KIF27: variants seen among roughly 807,000 people sequenced by gnomAD.
KIF27 encodes the protein kinesin-like protein KIF27.
A neutral mutation model predicts 141.8 loss-of-function variants in KIF27; 84 were observed. The observed-to-expected ratio is 0.59, with a 90% CI of 0.50 to 0.71. The LOEUF (loss-of-function observed/expected upper bound fraction) is 0.71. KIF27 is among the 30% of genes least tolerant of loss of function. The pLI, the probability that KIF27 is intolerant of heterozygous loss-of-function variation, is 0.00. For missense variants in KIF27, 1,306 were observed against 1,628.4 expected (o/e 0.80, Z 3.41); for synonymous variants, 471 against 569.5 (o/e 0.83, Z 2.46).
At position 83,836,547 on chromosome 9, in the gene KIF27, G is replaced by T. The variant is rs1361354824; in HGVS notation, c.*454C>A. ...GAGGTTGTCTTAGCCCACATATGCA[G>T]CAGGTGACTCCCTCTGACAAAAGCA... On this transcript the variant is annotated 3_prime_UTR_variant, in exon 18 of 18. Transcript: ENST00000297814. Among the ~76,000 whole-genome samples, 1 of 151,912 alleles carries T rather than the reference G, an allele frequency of 6.6e-6. No individual in the cohort carries two copies. Among genetic ancestry groups the T allele is most frequent in the Non-Finnish European group, 1.5e-5 (1 of 67,998 alleles).
intron 17 of KIF27, among the ~76,000 whole-genome samples, chr9:83,841,483 G>A (rs145096671): frequency 0.012 from 1,775 of 152,074 alleles, 38 homozygotes; most frequent in African/African-American, 0.04. Flanking sequence ...TTCTTTCCAG[G>A]TAAAAAATAC....
At chr9:83,842,119 T>C (rs965742415) in intron 17 of KIF27, 118 bp downstream of exon 17, 72 of 1,204,428 alleles carry the variant, frequency 6.0e-5, no homozygotes, top group Non-Finnish European at 7.4e-5. Context: ...CAGAGACAAA[T>C]AGAAGTATCT....
At position 83,837,229 on chromosome 9, in the gene KIF27, A is replaced by G. The variant is rs1945971007; in HGVS notation, c.3978T>C (p.Asp1326=). ...TGTGAGATTTTGTAAACTGATTATC[A>G]TCTGTTTCTGTTTTATTCTCATTAC... The part of the protein sequence containing the change: ...MLGNENKTET[D]DNQFTKSHSR... Residue 1326 remains aspartate, a synonymous_variant, in exon 18 of 18, where the codon GAT becomes GAC. Transcript: ENST00000297814. The G allele has an allele frequency of 1.9e-6, 3 of 1,614,032 alleles. No individual in the cohort carries two copies. Among genetic ancestry groups the G allele is most frequent in the Non-Finnish European group, 1.7e-6 (2 of 1,179,932 alleles).
chr9:83,850,835 T>TTC (rs1564295011), intron 15 of KIF27, among the ~76,000 whole-genome samples: 1 of 108,414 alleles, frequency 9.2e-6, no homozygotes, highest in Non-Finnish European at 1.9e-5. Flanking sequence ...ATTTTCTTTT[T>TTC]TTTTTTTTTT....
At position 83,891,325 on chromosome 9, in the gene KIF27, A is replaced by G. The variant is rs768964354; in HGVS notation, c.1779T>C (p.Ile593=). 5.6e-6 allele frequency: 9 copies of G among 1,613,450 alleles called. No individual in the cohort carries two copies. The highest frequency in any genetic ancestry group is 7.6e-6 in the Non-Finnish European group (9 of 1,179,562). ...VPFDTHLGHY[I]YIPSRQDSRK... ...TGGAATCTTGTCTTGATGGGATATAAATATAATGCCCCAAATGAGTATCAA... is the reference window on the plus strand; with the variant it reads ...TGGAATCTTGTCTTGATGGGATATAGATATAATGCCCCAAATGAGTATCAA... Residue 593 remains isoleucine (I), a synonymous_variant, in exon 6 of 18, where the codon ATT becomes ATC. Transcript: ENST00000297814.
chr9:83,835,737 G>T lies in KIF27; in HGVS notation c.*1264C>A, dbSNP rs922124958. On this transcript the variant is annotated 3_prime_UTR_variant, in exon 18 of 18. Transcript: ENST00000297814. ...AGCAGCACTACATCAGAAAAAAATGGATTCAGCAAGGAAGTGGGTGACTCT... is the reference window on the plus strand; with the variant it reads ...AGCAGCACTACATCAGAAAAAAATGTATTCAGCAAGGAAGTGGGTGACTCT... 4 of 152,170 alleles carry T rather than the reference G, an allele frequency of 2.6e-5. No individual in the cohort carries two copies. Among genetic ancestry groups the T allele is most frequent in the Non-Finnish European group, 4.4e-5 (3 of 68,028 alleles). 9.4% of individuals were successfully genotyped at this position (152,170 alleles called of 1,614,324 possible). A position where few individuals can be genotyped will look rare whatever the true frequency, so the allele number is the denominator to read the frequency against.
intron 11 of KIF27, among the ~76,000 whole-genome samples, chr9:83,877,806 AACAAAG>A (rs1281435303): frequency 2.0e-5 from 3 of 152,316 alleles, no homozygotes; most frequent in Non-Finnish European, 2.9e-5. Flanking sequence ...ACAACTCAAC[AACAAAG>A]ACAAAGAACC....
chr9:83,848,525 CATAT>C (rs893234810), intron 16 of KIF27: 1 of 142,666 alleles, frequency 7.0e-6, no homozygotes, highest in East Asian at 2.0e-4. Context: ...TGCATATATA[CATAT>C]ATATCTATGT....
intron 17 of KIF27, 103 bp downstream of exon 17, chr9:83,842,134 C>G (rs1222242270): frequency 2.3e-6 from 3 of 1,318,642 alleles, no homozygotes; most frequent in Non-Finnish European, 3.0e-6. Context: ...GTATCTAATC[C>G]TAAATAACCC....
chr9:83,858,188 C>CT (rs1321693084), intron 14 of KIF27: 1 of 152,110 alleles, frequency 6.6e-6, no homozygotes, highest in Non-Finnish European at 1.5e-5. Flanking sequence ...CAACAGAGGT[C>CT]TATAATGTTC....
intron 1 of KIF27, among the ~76,000 whole-genome samples, chr9:83,917,131 C>T (rs190388841): frequency 2.0e-5 from 3 of 152,114 alleles, no homozygotes; most frequent in East Asian, 1.9e-4. Context: ...ATCCCTCCCC[C>T]CTTCCCCCAC....
intron 6 of KIF27, among the ~76,000 whole-genome samples, chr9:83,889,547 A>T (rs955723966): frequency 2.0e-5 from 3 of 151,952 alleles, no homozygotes; most frequent in African/African-American, 7.3e-5. Context: ...ACGCATGGAA[A>T]ACATCCTAGC....
chr9:83,862,117 C>T (rs1189951489), intron 13 of KIF27, among the ~76,000 whole-genome samples: 2 of 151,540 alleles, frequency 1.3e-5, no homozygotes, highest in Admixed American at 6.6e-5. Flanking sequence ...TTCTCCCATT[C>T]TGTAGGTTGC....
At chr9:83,853,577 A>C (rs1247053472) in intron 15 of KIF27, 52 bp downstream of exon 15, 2 of 1,204,172 alleles carry the variant, frequency 1.7e-6, no homozygotes, top group Non-Finnish European at 2.4e-6. Context: ...ATAGGATGTA[A>C]GCATCTTGAC....
intron 16 of KIF27, chr9:83,849,243 T>G (rs933424985): frequency 2.0e-5 from 3 of 152,182 alleles, no homozygotes; most frequent in African/African-American, 7.2e-5. Context: ...AATGTAATGA[T>G]GTGTGAGATC....
chr9:83,880,976 C>T, intron 10 of KIF27, among the ~76,000 whole-genome samples: 1 of 151,980 alleles, frequency 6.6e-6, no homozygotes, highest in East Asian at 1.9e-4. Flanking sequence ...CTACTGTCTC[C>T]CTTTTTTCCT....
At chr9:83,853,558 AAAAT>A (rs1296385604) in intron 15 of KIF27, 67 bp downstream of exon 15, 1 of 1,032,430 alleles carries the variant, frequency 9.7e-7, no homozygotes, top group Non-Finnish European at 1.4e-6. Context: ...TTAAAAATTC[AAAAT>A]AAATATAGGA....
intron 16 of KIF27, among the ~76,000 whole-genome samples, chr9:83,844,918 A>G (rs1280223769): frequency 1.3e-5 from 2 of 152,190 alleles, no homozygotes; most frequent in African/African-American, 4.8e-5. Flanking sequence ...AAGGCAGCAC[A>G]TTCCTCATTT....
intron 11 of KIF27, among the ~76,000 whole-genome samples, chr9:83,871,321 A>T (rs1950773756): frequency 6.6e-6 from 1 of 152,218 alleles, no homozygotes. Flanking sequence ...GATAATTAGC[A>T]TATCTAAGAA....
Sources: gnomAD v4.1 joint callset for allele counts (sites outside exome capture counted in the v4.1 genomes callset) on GRCh38, gnomAD v4.1.1 for gene constraint, MANE v1.5 for transcripts, NCBI Gene and HGNC (gene_info 2026-07-23, HGNC 2026-07-21) for gene names.